The following F7 variants were observed in gnomAD, a reference collection of about 807,000 sequenced individuals.
F7 encodes FVII coagulation protein.
F7 carries 38 observed loss-of-function variants against 47.5 expected under a neutral mutation model. The observed-to-expected ratio is 0.80, with a 90% confidence interval of 0.62 to 1.05. The LOEUF is 1.05. Ranked by LOEUF, F7 falls within the 50% of genes least tolerant of loss-of-function variation. The pLI, the probability that F7 is intolerant of heterozygous loss-of-function variation, is 0.00. For missense variants in F7, 575 were observed against 605.4 expected, an observed-to-expected ratio of 0.95 and a Z score of 0.53; for synonymous variants, 244 against 258.5, an observed-to-expected ratio of 0.94 and a Z score of 0.54.
Position 113,117,462 on chromosome 13 carries a change from C to CA in F7, c.616-11_616-10insA. ...CAATGTGACTTCCACACCTCCTGTC[C>CA]CCCCGCCCAGGTCCTGTTGTTGGTG... On this transcript the variant is annotated splice_polypyrimidine_tract_variant and intron_variant, in intron 6 of 7. Coordinates refer to ENST00000346342, the MANE Select transcript of F7 (RefSeq NM_019616.4). The CA allele has an allele frequency of 6.2e-7, 1 of 1,613,774 alleles. No individual in the cohort carries two copies. The highest frequency in any genetic ancestry group is 8.5e-7 in the Non-Finnish European group (1 of 1,179,690).
intron 5 of F7, 42 bp downstream of exon 5, chr13:113,115,842 CT>C (rs746665783): frequency 2.2e-5 from 36 of 1,612,212 alleles, no homozygotes; most frequent in Non-Finnish European, 3.0e-5. Context: ...ACACCAGTCC[CT>C]GTCCCACTAC....
At chr13:113,106,396 C>T (rs1372018139) in intron 1 of F7, among the ~76,000 whole-genome samples, 1 of 110 alleles carries the variant, frequency 9.1e-3, no homozygotes, top group Non-Finnish European at 0.018. Flanking sequence ...GGGGATGGGC[C>T]GTGGGGGGGT....
In F7 at chr13:113,118,466, C is replaced by A; in HGVS notation, c.793C>A (p.Gln265Lys). ...GGATGAGCAGAGCCGGCGGGTGGCG[C>A]AGGTCATCATCCCCAGCACGTACGT... ...DGDEQSRRVA[Q>K]VIIPSTYVPG... The change falls in exon 8 of 8, where the codon CAG becomes AAG. Residue 265 changes from glutamine to lysine, a missense_variant. Coordinates refer to ENST00000346342, the MANE Select transcript of F7 (RefSeq NM_019616.4). The A allele has an allele frequency of 6.2e-7, 1 of 1,607,544 alleles. No homozygotes were observed. The highest frequency in any genetic ancestry group is 8.5e-7 in the Non-Finnish European group (1 of 1,178,472).
intron 1 of F7, chr13:113,106,871 G>A (rs868540201): frequency 1.2e-6 from 2 of 1,606,710 alleles, no homozygotes; most frequent in Non-Finnish European, 8.5e-7. Flanking sequence ...CTCAGGAGGA[G>A]AAACACGGGA....
At chr13:113,110,907 G>A (rs2036080370) in intron 2 of F7, 57 bp downstream of exon 2, 4 of 1,518,292 alleles carry the variant, frequency 2.6e-6, no homozygotes, top group Non-Finnish European at 3.5e-6. Flanking sequence ...CGGTGAACCA[G>A]GCCGCGTGGG....
chr13:113,108,414 A>G (rs1176026821), intron 1 of F7, among the ~76,000 whole-genome samples: 70 of 7,104 alleles, frequency 9.9e-3, no homozygotes, highest in Admixed American at 0.022. Flanking sequence ...GTGTCCCGGG[A>G]GTGTGGGTGT....
rs563935463 is a variant in F7, at chr13:113,120,288, C to T, written c.*1280C>T. 8 of 152,400 alleles carry T rather than the reference C, an allele frequency of 5.2e-5. No individual in the cohort carries two copies. Among genetic ancestry groups the T allele is most frequent in the African/African-American group, 1.9e-4 (8 of 41,576 alleles). The allele number at this position is 152,400 out of a possible 1,614,324, so 9.4% of individuals were successfully genotyped here. A position where few individuals can be genotyped will look rare whatever the true frequency, so the allele number is the denominator to read the frequency against. The stretch of plus-strand genomic sequence containing the variant: ...CACCTGCTCAAGAGTCAGGGACACA[C>T]GCATCACTAAATGCAAGTTCCCAGG... On this transcript the variant is annotated 3_prime_UTR_variant, in exon 8 of 8. Transcript: ENST00000346342.
chr13:113,115,561 G>C, intron 4 of F7, 99 bp from the exon 5 acceptor site: 1 of 1,385,470 alleles, frequency 7.2e-7, no homozygotes, highest in Admixed American at 2.0e-5. Context: ...CCACCTTCCA[G>C]GCAGAACACC....
intron 4 of F7, chr13:113,114,592 C>T (rs1566908451): frequency 3.2e-5 from 5 of 157,104 alleles, no homozygotes; most frequent in Admixed American, 3.0e-4. Flanking sequence ...GTGGGAAGTA[C>T]TGCCAACTTG....
chr13:113,113,796 C>A lies in F7; in HGVS notation c.250+20C>A. 6.2e-7 allele frequency: 1 copy of A among 1,614,174 alleles called. No homozygotes were observed. Among genetic ancestry groups the A allele is most frequent in the Non-Finnish European group, 8.5e-7 (1 of 1,180,038 alleles). On this transcript the variant is annotated intron_variant, in intron 3 of 7. Coordinates refer to ENST00000346342, the MANE Select transcript of F7 (RefSeq NM_019616.4). This position sits in a 1 kb window ranked among gnomAD's most constrained non-coding sequence, Gnocchi z 4.1. The stretch of plus-strand genomic sequence containing the variant: ...ACAGTGGTGAGTGGATGATCACCAC[C>A]AGTCCTGCCTGCAACCCTTCTCAGC...
At chr13:113,110,979 G>C (rs1312940123) in intron 2 of F7, 129 bp downstream of exon 2, 1 of 1,109,782 alleles carries the variant, frequency 9.0e-7, no homozygotes, top group Non-Finnish European at 1.2e-6. Flanking sequence ...CCCGCGCGGC[G>C]CTTTCTGCGG....
At position 113,113,637 on chromosome 13, in the gene F7, C is replaced by T. The variant is rs2036143131; in HGVS notation, c.226-115C>T. 2.7e-6 allele frequency: 3 copies of T among 1,098,720 alleles called. No homozygotes were observed. Among genetic ancestry groups the T allele is most frequent in the East Asian group, 2.4e-5 (1 of 42,534 alleles). The allele number at this position is 1,098,720 out of a possible 1,614,324, so 68.1% of individuals were successfully genotyped here. ...AGGAAAGTCTGGCTTCCTGAGCCCA[C>T]CCCGCCAGACCCAGGTCCAAGTCCC... On this transcript the variant is annotated intron_variant, in intron 2 of 7. Transcript: ENST00000346342. The surrounding 1 kb of genome is among the most constrained non-coding windows in gnomAD (Gnocchi z 4.1).
intron 5 of F7, among the ~76,000 whole-genome samples, chr13:113,116,221 G>A (rs1050180173): frequency 6.6e-6 from 1 of 152,160 alleles, no homozygotes; most frequent in African/African-American, 2.4e-5. Context: ...AGCCTGGAAC[G>A]AATGGGCTGC....
At chr13:113,108,740 T>C (rs1318625191) in intron 1 of F7, among the ~76,000 whole-genome samples, 14 of 36,912 alleles carry the variant, frequency 3.8e-4, no homozygotes, top group East Asian at 7.6e-4. Context: ...GTCCCGGGAG[T>C]GTGGGTGTTC....
At position 113,118,698 on chromosome 13, in the gene F7, G is replaced by A. The variant is rs121964926; in HGVS notation, c.1025G>A (p.Arg342Gln). 2.5e-4 allele frequency: 397 copies of A among 1,612,842 alleles called. No individual in the cohort carries two copies. The African/African-American group carries it at 3.8e-3, about 15-fold the overall frequency. The change falls in exon 8 of 8, where the codon CGG becomes CAG. Residue 342 changes from arginine (R) to glutamine (Q), a missense_variant. By Grantham distance (43) the Arg-to-Gln change is conservative. Coordinates refer to ENST00000346342, the MANE Select transcript of F7 (RefSeq NM_019616.4). Reference sequence around the variant, plus strand: ...GAGCTCATGGTCCTCAACGTGCCCCGGCTGATGACCCAGGACTGCCTGCAG... The same window carrying A: ...GAGCTCATGGTCCTCAACGTGCCCCAGCTGATGACCCAGGACTGCCTGCAG... ...ALELMVLNVPRLMTQDCLQQS... is the reference protein window; with the variant it reads ...ALELMVLNVPQLMTQDCLQQS...
chr13:113,117,040 G>A (rs2036206508), intron 6 of F7, 165 bp downstream of exon 6: 1 of 710,848 alleles, frequency 1.4e-6, no homozygotes, highest in Non-Finnish European at 2.6e-6. Context: ...CATGCTTTTA[G>A]TGGGGCAAGG....
chr13:113,117,976 C>A (rs1412486057), intron 7 of F7, among the ~76,000 whole-genome samples: 1 of 152,248 alleles, frequency 6.6e-6, no homozygotes, highest in Admixed American at 6.5e-5. Flanking sequence ...AGACTGGGGG[C>A]TTCTGCCCAT....
chr13:113,118,971 C>G lies in F7; in HGVS notation c.1298C>G (p.Pro433Arg). Residue 433 changes from proline (P) to arginine (R), a missense_variant, in exon 8 of 8, where the codon CCA becomes CGA. Pro to Arg is a moderately radical substitution (Grantham distance 103). Transcript: ENST00000346342. ...EWLQKLMRSEPRPGVLLRAPF... is the reference protein window; with the variant it reads ...EWLQKLMRSERRPGVLLRAPF... ...CTGCAAAAGCTCATGCGCTCAGAGC[C>G]ACGCCCAGGAGTCCTCCTGCGAGCC... 1 of 1,603,600 alleles carries G rather than the reference C, an allele frequency of 6.2e-7. No homozygotes were observed. Among genetic ancestry groups the G allele is most frequent in the Non-Finnish European group, 8.5e-7 (1 of 1,179,954 alleles).
rs2036220238 is a variant in F7 at position 113,117,694 on chromosome 13, GACC to G, written c.739+99_739+101del. The G allele has an allele frequency of 1.9e-6, 3 of 1,539,808 alleles. No homozygotes were observed. In the African/African-American group the frequency reaches 4.1e-5, roughly 21 times the overall value. ...GGGTGGGTGCCACTCTCCCCTGTCCGACCGCGGTGCTGGGTGGGTGCCACTCTC... is the reference window on the plus strand; with the variant it reads ...GGGTGGGTGCCACTCTCCCCTGTCCGGCGGTGCTGGGTGGGTGCCACTCTC... On this transcript the variant is annotated intron_variant, in intron 7 of 7. Coordinates refer to ENST00000346342, the MANE Select transcript of F7 (RefSeq NM_019616.4).
Sources: gnomAD v4.1 joint callset for allele counts (sites outside exome capture counted in the v4.1 genomes callset) on GRCh38, gnomAD v4.1.1 for gene constraint, Gnocchi (gnomAD v3.1) non-coding constraint, MANE v1.5 for transcripts, NCBI Gene and HGNC (gene_info 2026-07-23, HGNC 2026-07-21) for gene names.